CTNNA1: variants seen among roughly 807,000 people sequenced by gnomAD.
CTNNA1 encodes the protein catenin alpha 1.
In CTNNA1, 37 loss-of-function variants were observed where a neutral mutation model predicts 98.4. The observed-to-expected ratio is 0.38, with a 90% CI of 0.29 to 0.49. The LOEUF (loss-of-function observed/expected upper bound fraction) is 0.49. Ranked by LOEUF, CTNNA1 falls within the 20% of genes least tolerant of loss-of-function variation. The probability of loss-of-function intolerance (pLI) is 0.95; values close to 1 mark genes in which losing one functional copy is unlikely to be tolerated. For synonymous variants in CTNNA1, 404 were observed against 413.2 expected (o/e 0.98, Z 0.27); for missense variants, 761 against 1,147.2 (o/e 0.66, Z 4.86).
intron 9 of CTNNA1, among the ~76,000 whole-genome samples, chr5:138,898,060 A>G (rs1437049418): frequency 6.6e-6 from 1 of 152,090 alleles, no homozygotes; most frequent in Admixed American, 6.5e-5. Flanking sequence ...GAGGTGTTGG[A>G]TCAAGGTGTT....
At chr5:138,800,126 A>G (rs1757414806) in intron 3 of CTNNA1, among the ~76,000 whole-genome samples, 1 of 152,186 alleles carries the variant, frequency 6.6e-6, no homozygotes, top group Non-Finnish European at 1.5e-5. Context: ...TGAACTCCTG[A>G]TAAATGAATT....
intron 7 of CTNNA1, among the ~76,000 whole-genome samples, chr5:138,834,258 C>G (rs1043332211): frequency 6.6e-6 from 1 of 152,102 alleles, no homozygotes; most frequent in African/African-American, 2.4e-5. Context: ...TAATTTTTTC[C>G]TGATTATAAA....
intron 7 of CTNNA1, among the ~76,000 whole-genome samples, chr5:138,830,340 C>T (rs1169119526): frequency 1.3e-5 from 2 of 152,028 alleles, no homozygotes; most frequent in African/African-American, 2.4e-5. Context: ...CCAGCCTGGG[C>T]GACAGAGCGA....
intron 1 of CTNNA1, among the ~76,000 whole-genome samples, chr5:138,764,663 G>C (rs1319654481): frequency 6.6e-6 from 1 of 151,508 alleles, no homozygotes; most frequent in Admixed American, 6.6e-5. Flanking sequence ...TAGAGACGGG[G>C]TTTCTCCATG....
At chr5:138,902,432 G>T (rs193204626) in intron 9 of CTNNA1, among the ~76,000 whole-genome samples, 9 of 152,146 alleles carry the variant, frequency 5.9e-5, no homozygotes, top group Admixed American at 3.9e-4. Context: ...TTTTGTTTTT[G>T]TTTTTGAGAC....
At position 138,909,330 on chromosome 5, in the gene CTNNA1, T is replaced by A. The variant is rs77683255; in HGVS notation, c.1389+4889T>A. ...GAATTAAGTATATGAAGCCTCTACTTATCTACATTTTTTTCTTTCCTCCCC... is the reference window on the plus strand; with the variant it reads ...GAATTAAGTATATGAAGCCTCTACTAATCTACATTTTTTTCTTTCCTCCCC... On this transcript the variant is annotated intron_variant, in intron 10 of 17. Transcript: ENST00000302763. Among the ~76,000 whole-genome samples the A allele has an allele frequency of 3.6e-3, 548 of 152,056 alleles. 3 individuals carry two copies. The highest frequency in any genetic ancestry group is 6.0e-3 in the Non-Finnish European group (410 of 67,976).
intron 1 of CTNNA1, chr5:138,753,824 T>G: frequency 4.8e-6 from 1 of 208,638 alleles, no homozygotes. Flanking sequence ...GCCGCCGCGT[T>G]TCCTCTTGGA....
intron 1 of CTNNA1, among the ~76,000 whole-genome samples, chr5:138,780,973 C>A (rs1191555618): frequency 6.6e-6 from 1 of 152,006 alleles, no homozygotes; most frequent in African/African-American, 2.4e-5. Context: ...ATGTTTTCTC[C>A]CTATTCTTAA....
chr5:138,785,754 G>A (rs1467988468), intron 3 of CTNNA1, among the ~76,000 whole-genome samples: 1 of 150,756 alleles, frequency 6.6e-6, no homozygotes, highest in Admixed American at 6.6e-5. Context: ...ATAGTATAGT[G>A]TAGTGTAGTG....
intron 1 of CTNNA1, among the ~76,000 whole-genome samples, chr5:138,770,898 G>A (rs1753475147): frequency 6.6e-6 from 1 of 150,936 alleles, no homozygotes. Flanking sequence ...CTTGCAGTGA[G>A]CCGAGATTGC....
At position 138,874,847 on chromosome 5, in the gene CTNNA1, G is replaced by T; in HGVS notation, c.1063-11365G>T. Reference sequence around the variant, plus strand: ...TCCCTCATAAAATGTGAATTCGGTAGCTTATTTTAAAAGCGTGATTCCTTG... The same window carrying T: ...TCCCTCATAAAATGTGAATTCGGTATCTTATTTTAAAAGCGTGATTCCTTG... On this transcript the variant is annotated intron_variant, in intron 7 of 17. Transcript: ENST00000302763. The surrounding 1 kb of genome is among the most constrained non-coding windows in gnomAD (Gnocchi z 4.1). 1.3e-6 allele frequency: 2 copies of T among 1,489,554 alleles called. No individual in the cohort carries two copies. The highest frequency in any genetic ancestry group is 9.3e-7 in the Non-Finnish European group (1 of 1,078,468). 92.3% of individuals were successfully genotyped at this position (1,489,554 alleles called of 1,614,324 possible).
chr5:138,888,828 C>T (rs965861521), intron 9 of CTNNA1, among the ~76,000 whole-genome samples: 3 of 152,102 alleles, frequency 2.0e-5, no homozygotes, highest in African/African-American at 7.2e-5. Context: ...GCGTGAGCCA[C>T]TGCGCCTGGC....
intron 3 of CTNNA1, among the ~76,000 whole-genome samples, chr5:138,795,790 A>G (rs1371913080): frequency 6.6e-6 from 1 of 152,120 alleles, no homozygotes; most frequent in Non-Finnish European, 1.5e-5. Flanking sequence ...CCTGGGTAGA[A>G]TTAAAAACGG....
chr5:138,929,795 C>T (rs531686412), intron 14 of CTNNA1, among the ~76,000 whole-genome samples: 3 of 152,308 alleles, frequency 2.0e-5, no homozygotes, highest in African/African-American at 7.2e-5. Flanking sequence ...GTCATTAAAT[C>T]TTCAATCAAT....
intron 5 of CTNNA1, among the ~76,000 whole-genome samples, chr5:138,814,296 T>C (rs1759176684): frequency 6.6e-6 from 1 of 151,628 alleles, no homozygotes; most frequent in African/African-American, 2.4e-5. Context: ...TTGCCCAGGC[T>C]GGAGCGCAAT....
At chr5:138,780,439 C>T (rs181623146) in intron 1 of CTNNA1, among the ~76,000 whole-genome samples, 2,982 of 151,554 alleles carry the variant, frequency 0.02, 37 homozygotes, top group Admixed American at 0.03. Context: ...ATGATCTGCC[C>T]GCCTCAGCCT....
chr5:138,816,535 AT>A (rs916062836), intron 5 of CTNNA1, among the ~76,000 whole-genome samples: 1 of 151,766 alleles, frequency 6.6e-6, no homozygotes, highest in African/African-American at 2.4e-5. Flanking sequence ...TCCCACCAGC[AT>A]TTTTTTTCCT....
chr5:138,823,684 G>A (rs373451759), intron 5 of CTNNA1, among the ~76,000 whole-genome samples: 2 of 152,058 alleles, frequency 1.3e-5, no homozygotes, highest in African/African-American at 2.4e-5. Flanking sequence ...TTGGCTGGGC[G>A]CGGTGGCTCA....
intron 1 of CTNNA1, among the ~76,000 whole-genome samples, chr5:138,763,918 C>A (rs1380563977): frequency 1.3e-5 from 2 of 152,128 alleles, no homozygotes; most frequent in African/African-American, 4.8e-5. Context: ...AGGCTGGGTG[C>A]GGTGGCTCAC....
Sources: gnomAD v4.1 joint callset for allele counts (sites outside exome capture counted in the v4.1 genomes callset) on GRCh38, gnomAD v4.1.1 for gene constraint, Gnocchi (gnomAD v3.1) non-coding constraint, MANE v1.5 for transcripts, NCBI Gene and HGNC (gene_info 2026-07-23, HGNC 2026-07-21) for gene names.